Variants in PTGER1 observed in about 807,000 individuals in gnomAD.
PTGER1 encodes prostaglandin E2 receptor EP1 subtype.
In PTGER1, 15 loss-of-function variants were observed where a neutral mutation model predicts 18.5. The observed-to-expected ratio is 0.81, with a 90% CI of 0.54 to 1.25. The LOEUF (loss-of-function observed/expected upper bound fraction) is 1.25, where lower values mean the gene tolerates loss of function less well. Among genes scored for constraint, PTGER1 ranks in the 50% most tolerant of loss-of-function variants. The probability of loss-of-function intolerance (pLI) is 0.00; values close to 1 mark genes in which losing one functional copy is unlikely to be tolerated. For synonymous variants in PTGER1, 339 were observed against 308.4 expected (o/e 1.10, Z -1.04); for missense variants, 567 against 603.4 (o/e 0.94, Z 0.63).
At position 14,473,023 on chromosome 19, in the gene PTGER1, T is replaced by A. The variant is rs1420006034; in HGVS notation, c.943-197A>T. On this transcript the variant is annotated intron_variant, in intron 2 of 2. Transcript: ENST00000292513. The surrounding 1 kb of genome is among the most constrained non-coding windows in gnomAD (Gnocchi z 7.1). ...AACAAACACCTTCAGTGGGTGGGGGTCCGGCCGTAGAGGAGTCTCAGGTGT... is the reference window on the plus strand; with the variant it reads ...AACAAACACCTTCAGTGGGTGGGGGACCGGCCGTAGAGGAGTCTCAGGTGT... 1.4e-5 allele frequency among the ~76,000 whole-genome samples: 2 copies of A among 144,432 alleles called. No homozygotes were observed. Among genetic ancestry groups the A allele is most frequent in the African/African-American group, 5.2e-5 (2 of 38,460 alleles). The allele number at this position is 144,432 out of a possible 152,430, so 94.8% of individuals were successfully genotyped here.
chr19:14,473,932 C>T lies in PTGER1; in HGVS notation c.389G>A (p.Gly130Asp). ...GCCCACGCAGCGCTCCACGGCCATG[C>T]CACAGCCCAGCAGCAGCGGGCACAG... is the stretch of plus-strand genomic sequence containing the variant. ...FGLCPLLLGC[G>D]MAVERCVGVT... The change falls in exon 2 of 3, where the codon GGC (glycine) becomes GAC (aspartate). Residue 130 changes from glycine (G) to aspartate (D), a missense_variant. Coordinates refer to ENST00000292513, the MANE Select transcript of PTGER1 (RefSeq NM_000955.3). This position sits in a 1 kb window ranked among gnomAD's most constrained non-coding sequence, Gnocchi z 7.1. 2 of 1,462,042 alleles carry T rather than the reference C, an allele frequency of 1.4e-6. No homozygotes were observed. The allele number at this position is 1,462,042 out of a possible 1,614,324, so 90.6% of individuals were successfully genotyped here. A position where few individuals can be genotyped will look rare whatever the true frequency, so the allele number is the denominator to read the frequency against.
Position 14,474,430 on chromosome 19 carries a change from C to T in PTGER1, c.-17-93G>A, listed in dbSNP as rs2071596384. The T allele has an allele frequency of 7.6e-7, 1 of 1,319,742 alleles. No individual in the cohort carries two copies. The highest frequency in any genetic ancestry group is 1.7e-5 in the South Asian group (1 of 59,274). 81.8% of individuals were successfully genotyped at this position (1,319,742 alleles called of 1,614,324 possible). Reference sequence around the variant, plus strand: ...TCTCAGAACATCAGGGCCTGTTTGACTCCATGGCGTTCTCAGGCGGCCCCT... The same window carrying T: ...TCTCAGAACATCAGGGCCTGTTTGATTCCATGGCGTTCTCAGGCGGCCCCT... On this transcript the variant is annotated intron_variant, in intron 1 of 2. Coordinates refer to ENST00000292513, the MANE Select transcript of PTGER1 (RefSeq NM_000955.3). The surrounding 1 kb of genome is among the most constrained non-coding windows in gnomAD (Gnocchi z 5.4).
chr19:14,475,012 T>A (rs993663831), intron 1 of PTGER1, among the ~76,000 whole-genome samples: 3 of 152,156 alleles, frequency 2.0e-5, no homozygotes, highest in Admixed American at 6.5e-5. Flanking sequence ...TTCCACTCCA[T>A]ATCCCTGCCC....
At position 14,472,482 on chromosome 19, in the gene PTGER1, T is replaced by C. The variant is rs2071574489; in HGVS notation, c.*78A>G. On this transcript the variant is annotated 3_prime_UTR_variant, in exon 3 of 3. Transcript: ENST00000292513. ...TGCCTGGGCTCGCAGAATGGCTTTT[T>C]ATTCCCAAAGGCTCTGCGCCGCGCA... is the stretch of plus-strand genomic sequence containing the variant. 1 of 1,437,600 alleles carries C rather than the reference T, an allele frequency of 7.0e-7. No individual in the cohort carries two copies. The highest frequency in any genetic ancestry group is 1.4e-5 in the African/African-American group (1 of 69,026). 89.1% of individuals were successfully genotyped at this position (1,437,600 alleles called of 1,614,324 possible).
At position 14,473,566 on chromosome 19, in the gene PTGER1, C is replaced by A. The variant is rs763799272; in HGVS notation, c.755G>T (p.Arg252Leu). The change falls in exon 2 of 3, where the codon CGC (arginine) becomes CTC (leucine). Residue 252 changes from arginine to leucine, a missense_variant. Transcript: ENST00000292513. The surrounding 1 kb of genome is among the most constrained non-coding windows in gnomAD (Gnocchi z 7.1). Reference protein sequence around the residue: ...PPASGPDSRRRWGAHGPRSAS... With the variant: ...PPASGPDSRRLWGAHGPRSAS... ...CGAGCGGGGTCCGTGCGCCCCCCAGCGACGCCGGCTGTCGGGGCCTGAGGC... is the reference window on the plus strand; with the variant it reads ...CGAGCGGGGTCCGTGCGCCCCCCAGAGACGCCGGCTGTCGGGGCCTGAGGC... 1.3e-6 allele frequency: 2 copies of A among 1,509,810 alleles called. No homozygotes were observed. Among genetic ancestry groups the A allele is most frequent in the Non-Finnish European group, 8.8e-7 (1 of 1,135,890 alleles). 93.5% of individuals were successfully genotyped at this position (1,509,810 alleles called of 1,614,324 possible). A position where few individuals can be genotyped will look rare whatever the true frequency, so the allele number is the denominator to read the frequency against.
At position 14,474,167 on chromosome 19, in the gene PTGER1, G is replaced by T; in HGVS notation, c.154C>A (p.Leu52Met). The T allele has an allele frequency of 3.4e-6, 5 of 1,484,252 alleles. No individual in the cohort carries two copies. Among genetic ancestry groups the T allele is most frequent in the Non-Finnish European group, 4.4e-6 (5 of 1,125,982 alleles). 91.9% of individuals were successfully genotyped at this position (1,484,252 alleles called of 1,614,324 possible). A position where few individuals can be genotyped will look rare whatever the true frequency, so the allele number is the denominator to read the frequency against. Residue 52 changes from leucine (L) to methionine (M), a missense_variant, in exon 2 of 3, where the codon CTG becomes ATG. By Grantham distance (15) the Leu-to-Met change is conservative. Transcript: ENST00000292513. The surrounding 1 kb of genome is among the most constrained non-coding windows in gnomAD (Gnocchi z 5.4). ...SMTLGAVSNL[L>M]ALALLAQAAG... ...GCCTGCGCCAGCAGCGCCAGCGCCA[G>T]CAGGTTGGACACGGCGCCCAGCGTC... is the stretch of plus-strand genomic sequence containing the variant.
chr19:14,473,042 C>G lies in PTGER1; in HGVS notation c.943-216G>C, dbSNP rs921613118. ...TGGGGGTCCGGCCGTAGAGGAGTCT[C>G]AGGTGTCCCGGAAAGAGGAAAAGCA... On this transcript the variant is annotated intron_variant, in intron 2 of 2. Coordinates refer to ENST00000292513, the MANE Select transcript of PTGER1 (RefSeq NM_000955.3). This position sits in a 1 kb window ranked among gnomAD's most constrained non-coding sequence, Gnocchi z 7.1. 3.0e-3 allele frequency among the ~76,000 whole-genome samples: 458 copies of G among 151,916 alleles called. 9 individuals are homozygous for G. Among genetic ancestry groups the G allele is most frequent in the Non-Finnish European group, 7.4e-4 (50 of 67,960 alleles).
In PTGER1 at chr19:14,473,236, T is replaced by A. The variant is rs968589043; in HGVS notation, c.942+143A>T. 2 of 1,406,278 alleles carry A rather than the reference T, an allele frequency of 1.4e-6. No individual in the cohort carries two copies. 87.1% of individuals were successfully genotyped at this position (1,406,278 alleles called of 1,614,324 possible). On this transcript the variant is annotated intron_variant, in intron 2 of 2. Coordinates refer to ENST00000292513, the MANE Select transcript of PTGER1 (RefSeq NM_000955.3). This position sits in a 1 kb window ranked among gnomAD's most constrained non-coding sequence, Gnocchi z 7.1. ...CAGATGGAGAAGGCGATGCTGGCTT[T>A]CGGGGCAGGTGGGGCCTCTAGGGGC...
Position 14,473,707 on chromosome 19 carries a change from C to CCAG in PTGER1, c.611_613dup (p.Ala204dup). 1 of 1,472,610 alleles carries CCAG rather than the reference C, an allele frequency of 6.8e-7. No homozygotes were observed. 91.2% of individuals were successfully genotyped at this position (1,472,610 alleles called of 1,614,324 possible). A position where few individuals can be genotyped will look rare whatever the true frequency, so the allele number is the denominator to read the frequency against. Reference sequence around the variant, plus strand: ...GACCAGGCCGAGGCTGGCGAAGAGGCCAGCAAGCAGTGCCTGGCGCCAGCC... The same window carrying CCAG: ...GACCAGGCCGAGGCTGGCGAAGAGGCCAGCAGCAAGCAGTGCCTGGCGCCAGCC... On this transcript the variant is annotated inframe_insertion, in exon 2 of 3. Coordinates refer to ENST00000292513, the MANE Select transcript of PTGER1 (RefSeq NM_000955.3). This position sits in a 1 kb window ranked among gnomAD's most constrained non-coding sequence, Gnocchi z 7.1.
In PTGER1 at chr19:14,472,757, G is replaced by A. The variant is rs775970726; in HGVS notation, c.1012C>T (p.Arg338Cys). ...SLQRPLFLAV[R>C]LASWNQILDP... The stretch of plus-strand genomic sequence containing the variant: ...AGGATCTGGTTCCAGGAGGCAAGGC[G>A]CACGGCCAGGAACAGTGGCCGCTGC... Residue 338 changes from arginine (R) to cysteine (C), a missense_variant, in exon 3 of 3, where the codon CGC becomes TGC. Coordinates refer to ENST00000292513, the MANE Select transcript of PTGER1 (RefSeq NM_000955.3). 1.9e-6 allele frequency: 3 copies of A among 1,595,830 alleles called. No homozygotes were observed. The highest frequency in any genetic ancestry group is 8.5e-7 in the Non-Finnish European group (1 of 1,171,932).
Position 14,472,601 on chromosome 19 carries a change from A to T in PTGER1, c.1168T>A (p.Ser390Thr), listed in dbSNP as rs200066014. Residue 390 changes from serine (S) to threonine (T), a missense_variant, in exon 3 of 3, where the codon TCG becomes ACG. Physicochemically the swap from Ser to Thr is moderately conservative, Grantham distance 58 (BLOSUM62 1). Coordinates refer to ENST00000292513, the MANE Select transcript of PTGER1 (RefSeq NM_000955.3). ...CCGCTGTGCCGGGAGCTGCGCAGCG[A>T]GCTGGCCTCCCAGGCGCTCGGTGTT... Reference protein sequence around the residue: ...GLTPSAWEASSLRSSRHSGLS... With the variant: ...GLTPSAWEASTLRSSRHSGLS... 2.5e-5 allele frequency: 40 copies of T among 1,600,294 alleles called. No homozygotes were observed. The African/African-American group carries it at 4.7e-4, about 19-fold the overall frequency.
chr19:14,473,872 G>T lies in PTGER1; in HGVS notation c.449C>A (p.Ser150Ter). 8.0e-7 allele frequency: 1 copy of T among 1,256,284 alleles called. No individual in the cohort carries two copies. The highest frequency in any genetic ancestry group is 1.6e-5 in the African/African-American group (1 of 63,110). 77.8% of individuals were successfully genotyped at this position (1,256,284 alleles called of 1,614,324 possible). The change falls in exon 2 of 3, where the codon TCG becomes TAG. Residue 150 changes from serine (S) to a stop codon, truncating the protein, a stop_gained. Coordinates refer to ENST00000292513, the MANE Select transcript of PTGER1 (RefSeq NM_000955.3). LOFTEE classifies it high-confidence loss of function. The surrounding 1 kb of genome is among the most constrained non-coding windows in gnomAD (Gnocchi z 7.1). ...CAGCGCCAGGCGCGCGCGGGCGACCGAGACCCGCGCGGCGTGGAGCAGCGG... is the reference window on the plus strand; with the variant it reads ...CAGCGCCAGGCGCGCGCGGGCGACCTAGACCCGCGCGGCGTGGAGCAGCGG... The part of the protein sequence containing the change: ...TRPLLHAARV[S>*]VARARLALAA...
At chr19:14,473,000 C>A (rs2071580196) in intron 2 of PTGER1, among the ~76,000 whole-genome samples, 174 bp from the exon 3 acceptor site, 1 of 151,728 alleles carries the variant, frequency 6.6e-6, no homozygotes, top group African/African-American at 2.4e-5. Context: ...GGCAAAGAAA[C>A]AAACACCTTC....
chr19:14,474,240 C>G lies in PTGER1; in HGVS notation c.81G>C (p.Ser27=). ...GCGAAGCGCCCGACGGCGGCACGGCCGACGTGTTGGGGACCCAGGGCGCCG... is the reference window on the plus strand; with the variant it reads ...GCGAAGCGCCCGACGGCGGCACGGCGGACGTGTTGGGGACCCAGGGCGCCG... ...TCAAPWVPNT[S]AVPPSGASPA... The change falls in exon 2 of 3, where the codon TCG becomes TCC. Residue 27 remains serine (S), a synonymous_variant. Transcript: ENST00000292513. The surrounding 1 kb of genome is among the most constrained non-coding windows in gnomAD (Gnocchi z 5.4). 6.5e-7 allele frequency: 1 copy of G among 1,528,764 alleles called. No individual in the cohort carries two copies. Among genetic ancestry groups the G allele is most frequent in the South Asian group, 1.2e-5 (1 of 83,764 alleles). The allele number at this position is 1,528,764 out of a possible 1,614,324, so 94.7% of individuals were successfully genotyped here. A position where few individuals can be genotyped will look rare whatever the true frequency, so the allele number is the denominator to read the frequency against.
Position 14,474,077 on chromosome 19 carries a change from CCAGCAGGCTGGCCACGAA to C in PTGER1, c.226_243del (p.Phe76_Leu81del). The C allele has an allele frequency of 1.4e-6, 2 of 1,465,486 alleles. No homozygotes were observed. The highest frequency in any genetic ancestry group is 9.0e-7 in the Non-Finnish European group (1 of 1,111,408). 90.8% of individuals were successfully genotyped at this position (1,465,486 alleles called of 1,614,324 possible). ...ATCACGTGGCCCGCCAGGTCGGTGG[CCAGCAGGCTGGCCACGAA>C]CAGCAGGAAGGTGGCGGCCGAGCGG... On this transcript the variant is annotated inframe_deletion, in exon 2 of 3. Transcript: ENST00000292513. This position sits in a 1 kb window ranked among gnomAD's most constrained non-coding sequence, Gnocchi z 5.4.
chr19:14,474,756 T>TC lies in PTGER1; in HGVS notation c.-17-420dup, dbSNP rs1184279143. 6.6e-6 allele frequency among the ~76,000 whole-genome samples: 1 copy of TC among 151,916 alleles called. No individual in the cohort carries two copies. Among genetic ancestry groups the TC allele is most frequent in the African/African-American group, 2.4e-5 (1 of 41,322 alleles). On this transcript the variant is annotated intron_variant, in intron 1 of 2. Coordinates refer to ENST00000292513, the MANE Select transcript of PTGER1 (RefSeq NM_000955.3). The surrounding 1 kb of genome is among the most constrained non-coding windows in gnomAD (Gnocchi z 5.4). ...CTGCCACTGTGGCCCTACCTGACTT[T>TC]CCCCATGTCAGCTTTACTCCAGTCC... is the stretch of plus-strand genomic sequence containing the variant.
At position 14,473,533 on chromosome 19, in the gene PTGER1, G is replaced by T; in HGVS notation, c.788C>A (p.Ala263Asp). 2.6e-6 allele frequency: 4 copies of T among 1,555,966 alleles called. No individual in the cohort carries two copies. The highest frequency in any genetic ancestry group is 3.5e-6 in the Non-Finnish European group (4 of 1,156,252). ...CGAAGCGATGGACGAGGCGGACGAGGCGGAGGCCGAGCGGGGTCCGTGCGC... is the reference window on the plus strand; with the variant it reads ...CGAAGCGATGGACGAGGCGGACGAGTCGGAGGCCGAGCGGGGTCCGTGCGC... ...WGAHGPRSASASSASSIASAS... is the reference protein window; with the variant it reads ...WGAHGPRSASDSSASSIASAS... The change falls in exon 2 of 3, where the codon GCC becomes GAC. Residue 263 changes from alanine (A) to aspartate (D), a missense_variant. Transcript: ENST00000292513. This position sits in a 1 kb window ranked among gnomAD's most constrained non-coding sequence, Gnocchi z 7.1.
At position 14,473,394 on chromosome 19, in the gene PTGER1, G is replaced by A. The variant is rs201411430; in HGVS notation, c.927C>T (p.Cys309=). The A allele has an allele frequency of 9.4e-6, 15 of 1,591,190 alleles. 1 individual carries two copies. Among genetic ancestry groups the A allele is most frequent in the Non-Finnish European group, 1.1e-5 (13 of 1,172,324 alleles). Residue 309 remains cysteine, a synonymous_variant, in exon 2 of 3, where the codon TGC becomes TGT. Transcript: ENST00000292513. This position sits in a 1 kb window ranked among gnomAD's most constrained non-coding sequence, Gnocchi z 7.1. ...LVGIMVVSCI[C]WSPMLVLVAL... Reference sequence around the variant, plus strand: ...CGCCCCTCACCAGCATTGGGCTCCAGCAGATGCACGACACCACCATGATAC... The same window carrying A: ...CGCCCCTCACCAGCATTGGGCTCCAACAGATGCACGACACCACCATGATAC...
chr19:14,474,673 T>C lies in PTGER1; in HGVS notation c.-17-336A>G, dbSNP rs903861382. On this transcript the variant is annotated intron_variant, in intron 1 of 2. Transcript: ENST00000292513. This position sits in a 1 kb window ranked among gnomAD's most constrained non-coding sequence, Gnocchi z 5.4. ...AGTGCCTCCGACCCCCACCTTCCATTTTTACACCCAGCAAATTCCTGGGGC... is the reference window on the plus strand; with the variant it reads ...AGTGCCTCCGACCCCCACCTTCCATCTTTACACCCAGCAAATTCCTGGGGC... 9.9e-5 allele frequency among the ~76,000 whole-genome samples: 15 copies of C among 151,984 alleles called. No homozygotes were observed. The highest frequency in any genetic ancestry group is 7.4e-5 in the Non-Finnish European group (5 of 67,966).
Sources: gnomAD v4.1 joint callset for allele counts (sites outside exome capture counted in the v4.1 genomes callset) on GRCh38, gnomAD v4.1.1 for gene constraint, Gnocchi (gnomAD v3.1) non-coding constraint, MANE v1.5 for transcripts, NCBI Gene and HGNC (gene_info 2026-07-23, HGNC 2026-07-21) for gene names.